Variants in GAS7 observed in about 807,000 individuals in gnomAD.
GAS7 encodes the protein growth arrest-specific protein 7.
Under a neutral mutation model 71.1 loss-of-function variants are expected in GAS7, and 28 were observed. The observed-to-expected ratio is 0.39, with a 90% CI of 0.29 to 0.54. The LOEUF (loss-of-function observed/expected upper bound fraction) is 0.54. GAS7 is among the 20% of genes least tolerant of loss of function. The pLI is 0.62. For missense variants in GAS7, 436 were observed against 627.8 expected (o/e 0.69, Z 3.27); for synonymous variants, 258 against 245.8 (o/e 1.05, Z -0.46).
rs1159796305 is a variant in GAS7, at chr17:9,910,626, T to G, written c.*6602A>C. On this transcript the variant is annotated 3_prime_UTR_variant, in exon 14 of 14. Coordinates refer to ENST00000432992, the MANE Select transcript of GAS7 (RefSeq NM_201433.2). ...TGGGATTTAACTTCCTGAAAACTCT[T>G]TATAATAATGCAGGACAACTGTATA... is the stretch of plus-strand genomic sequence containing the variant. The G allele has an allele frequency of 5.2e-6, 1 of 192,566 alleles. No homozygotes were observed. The highest frequency in any genetic ancestry group is 1.1e-5 in the Non-Finnish European group (1 of 91,932). 11.9% of individuals were successfully genotyped at this position (192,566 alleles called of 1,614,324 possible).
At chr17:10,164,848 GAAAAAAAA>G (rs755151597) in intron 1 of GAS7, among the ~76,000 whole-genome samples, 1 of 106,106 alleles carries the variant, frequency 9.4e-6, no homozygotes, top group Non-Finnish European at 1.9e-5. Context: ...ATGAAAAAAG[GAAAAAAAA>G]AAAAAAAAAA....
chr17:10,040,696 A>T (rs1020282778), intron 1 of GAS7, among the ~76,000 whole-genome samples: 2 of 152,044 alleles, frequency 1.3e-5, no homozygotes, highest in African/African-American at 2.4e-5. Context: ...CATCACATCC[A>T]GCGGTGGGGA....
intron 11 of GAS7, among the ~76,000 whole-genome samples, chr17:9,920,869 T>A (rs1452349629): frequency 6.6e-6 from 1 of 152,166 alleles, no homozygotes; most frequent in Non-Finnish European, 1.5e-5. Context: ...GTAATTCGAG[T>A]AGAGTCAAAG....
intron 3 of GAS7, among the ~76,000 whole-genome samples, chr17:9,977,620 T>G (rs1276378785): frequency 1.3e-5 from 2 of 152,074 alleles, no homozygotes; most frequent in Non-Finnish European, 2.9e-5. Context: ...GTAAAGCTAC[T>G]GAATAAACAC....
At chr17:10,139,160 C>G (rs1237567352) in intron 1 of GAS7, among the ~76,000 whole-genome samples, 3 of 152,212 alleles carry the variant, frequency 2.0e-5, no homozygotes, top group Admixed American at 6.5e-5. Flanking sequence ...TATGAGGAAA[C>G]TCCAGAGGAA....
intron 2 of GAS7, among the ~76,000 whole-genome samples, chr17:9,986,845 C>G (rs1402572867): frequency 6.6e-6 from 1 of 152,238 alleles, no homozygotes; most frequent in Non-Finnish European, 1.5e-5. Context: ...CAACCCATAA[C>G]ACAAAGACAC....
chr17:9,944,349 CAG>C (rs1222859486), intron 6 of GAS7, among the ~76,000 whole-genome samples: 1 of 152,154 alleles, frequency 6.6e-6, no homozygotes, highest in Non-Finnish European at 1.5e-5. Flanking sequence ...TTTGATATCC[CAG>C]AGAGAGAGGT....
intron 1 of GAS7, among the ~76,000 whole-genome samples, chr17:10,055,335 C>T (rs965164532): frequency 2.0e-5 from 3 of 152,180 alleles, no homozygotes; most frequent in Non-Finnish European, 2.9e-5. Flanking sequence ...AGAGTAGGAA[C>T]ATGTGCTCTG....
intron 1 of GAS7, among the ~76,000 whole-genome samples, chr17:10,176,236 G>T (rs2074373543): frequency 6.6e-6 from 1 of 152,152 alleles, no homozygotes; most frequent in South Asian, 2.1e-4. Flanking sequence ...GAGGTCTTAG[G>T]AGGAGGCCTC....
chr17:10,068,940 A>C (rs2073311791), intron 1 of GAS7, among the ~76,000 whole-genome samples: 1 of 152,136 alleles, frequency 6.6e-6, no homozygotes, highest in African/African-American at 2.4e-5. Flanking sequence ...GCATGTGTAA[A>C]ACACTGTCTA....
In GAS7 at chr17:9,917,164, G is replaced by T; in HGVS notation, c.*64C>A. 1.0e-6 allele frequency: 1 copy of T among 1,004,462 alleles called. No individual in the cohort carries two copies. Among genetic ancestry groups the T allele is most frequent in the Non-Finnish European group, 1.6e-6 (1 of 624,616 alleles). The allele number at this position is 1,004,462 out of a possible 1,614,324, so 62.2% of individuals were successfully genotyped here. A position where few individuals can be genotyped will look rare whatever the true frequency, so the allele number is the denominator to read the frequency against. On this transcript the variant is annotated 3_prime_UTR_variant, in exon 14 of 14. Transcript: ENST00000432992. ...AGGGTGGGGGGCATCCACTCGGCATGGGCCCCATGGTGGGAGCCCAGCCCC... is the reference window on the plus strand; with the variant it reads ...AGGGTGGGGGGCATCCACTCGGCATTGGCCCCATGGTGGGAGCCCAGCCCC...
intron 1 of GAS7, among the ~76,000 whole-genome samples, chr17:10,077,322 T>A (rs920377580): frequency 6.6e-6 from 1 of 152,022 alleles, no homozygotes; most frequent in Non-Finnish European, 1.5e-5. Flanking sequence ...AAAACCCCAT[T>A]AACAAAGCCA....
intron 1 of GAS7, among the ~76,000 whole-genome samples, chr17:10,161,454 G>A (rs2074255608): frequency 6.6e-6 from 1 of 152,234 alleles, no homozygotes. Context: ...AGAAGAAGGA[G>A]AATCAGAGAC....
chr17:10,065,924 T>C (rs890789865), intron 1 of GAS7, among the ~76,000 whole-genome samples: 8 of 152,226 alleles, frequency 5.3e-5, no homozygotes, highest in Non-Finnish European at 2.9e-5. Flanking sequence ...GTGGAAGATA[T>C]GCAAGAGCAC....
At chr17:9,966,394 G>C (rs2069717335) in intron 4 of GAS7, among the ~76,000 whole-genome samples, 1 of 152,084 alleles carries the variant, frequency 6.6e-6, no homozygotes, top group South Asian at 2.1e-4. Context: ...TTGAGATCTG[G>C]GGCTTTCCAG....
intron 1 of GAS7, among the ~76,000 whole-genome samples, chr17:10,151,317 T>C (rs76574802): frequency 0.048 from 7,366 of 152,114 alleles, 299 homozygotes; most frequent in Admixed American, 0.13. Flanking sequence ...AGGGTTTCGT[T>C]TGCTTGTTTT....
chr17:10,066,784 G>A (rs1283270127), intron 1 of GAS7, among the ~76,000 whole-genome samples: 2 of 152,042 alleles, frequency 1.3e-5, no homozygotes, highest in Admixed American at 6.6e-5. Flanking sequence ...TTGGCTCCTG[G>A]GGTCACTGAA....
At chr17:10,075,861 G>T (rs558613126) in intron 1 of GAS7, among the ~76,000 whole-genome samples, 1 of 151,270 alleles carries the variant, frequency 6.6e-6, no homozygotes, top group Non-Finnish European at 1.5e-5. Flanking sequence ...CATTTTGAGA[G>T]GCTGAGGTGG....
chr17:9,924,802 T>A (rs142995544), intron 11 of GAS7: 1 of 152,152 alleles, frequency 6.6e-6, no homozygotes, highest in Non-Finnish European at 1.5e-5. Flanking sequence ...AGAGGCAACA[T>A]GCGTGTCCTC....
Sources: gnomAD v4.1 joint callset for allele counts (sites outside exome capture counted in the v4.1 genomes callset) on GRCh38, gnomAD v4.1.1 for gene constraint, MANE v1.5 for transcripts, NCBI Gene and HGNC (gene_info 2026-07-23, HGNC 2026-07-21) for gene names.